The following MYO1C variants were observed in gnomAD, a reference collection of about 807,000 sequenced individuals.
MYO1C encodes the protein unconventional myosin-Ic.
MYO1C carries 104 observed loss-of-function variants against 150.8 expected under a neutral mutation model. That is an observed-to-expected ratio of 0.69 (90% CI 0.59 to 0.81). The LOEUF (loss-of-function observed/expected upper bound fraction) is 0.81, where lower values mean the gene tolerates loss of function less well. Ranked by LOEUF, MYO1C falls within the 30% of genes least tolerant of loss-of-function variation. MYO1C has a pLI of 0.00. For missense variants in MYO1C, 1,504 were observed against 1,435.0 expected (o/e 1.05, Z -0.78); for synonymous variants, 663 against 579.9 (o/e 1.14, Z -2.06).
intron 3 of MYO1C, among the ~76,000 whole-genome samples, chr17:1,483,327 T>TG (rs138941335): frequency 4.9e-4 from 43 of 87,500 alleles, no homozygotes; most frequent in African/African-American, 1.6e-3. Context: ...CGGGTAGGGC[T>TG]GGGGGGGGTC....
chr17:1,484,886 A>ATCCC, intron 1 of MYO1C: 1 of 47,912 alleles, frequency 2.1e-5, no homozygotes, highest in Non-Finnish European at 3.6e-5. Context: ...ACCCAGACCC[A>ATCCC]CCCCCACCTC....
Position 1,471,948 on chromosome 17 carries a change from G to A in MYO1C, c.1980C>T (p.Ala660=). The change falls in exon 19 of 32, where the codon GCC becomes GCT. Residue 660 remains alanine (A), a synonymous_variant. Transcript: ENST00000648651. The part of the protein sequence containing the change: ...GLLENLRVRR[A]GFAYRRKYEA... ...CGTATTTGCGGCGATAGGCAAAGCC[G>A]GCTCTGCGCACGCGCAGGTTTTCCA... 6.2e-7 allele frequency: 1 copy of A among 1,614,148 alleles called. No homozygotes were observed. Among genetic ancestry groups the A allele is most frequent in the South Asian group, 1.1e-5 (1 of 91,084 alleles).
chr17:1,479,409 G>A lies in MYO1C; in HGVS notation c.1092+22C>T, dbSNP rs373958010. 736 of 1,168,410 alleles carry A rather than the reference G, an allele frequency of 6.3e-4. No homozygotes were observed. The highest frequency in any genetic ancestry group is 1.2e-3 in the Admixed American group (62 of 50,762). The allele number at this position is 1,168,410 out of a possible 1,614,324, so 72.4% of individuals were successfully genotyped here. ...TTGGAACAGCTGCCCCTCCACACCC[G>A]AGGGCAAGGGCCCGGCCTCACCTCC... On this transcript the variant is annotated intron_variant, in intron 9 of 31. Transcript: ENST00000648651. The surrounding 1 kb of genome is among the most constrained non-coding windows in gnomAD (Gnocchi z 4.2).
chr17:1,486,813 G>GC (rs1231190888), intron 1 of MYO1C: 1 of 152,400 alleles, frequency 6.6e-6, no homozygotes, highest in Non-Finnish European at 1.5e-5. Context: ...ATCGCGCCCG[G>GC]CCCATCTCCC....
intron 1 of MYO1C, among the ~76,000 whole-genome samples, chr17:1,490,065 G>A (rs1158399485): frequency 6.8e-6 from 1 of 147,538 alleles, no homozygotes; most frequent in Non-Finnish European, 1.5e-5. Context: ...GAGGGCCTTT[G>A]ACCCCTAACC....
At chr17:1,485,159 G>C in intron 1 of MYO1C, 1 of 1,197,116 alleles carries the variant, frequency 8.4e-7, no homozygotes, top group African/African-American at 1.6e-5. Flanking sequence ...CTACTGGAGG[G>C]TGGAGGGTGG....
chr17:1,479,815 G>T lies in MYO1C; in HGVS notation c.907-110C>A, dbSNP rs573658571. On this transcript the variant is annotated intron_variant, in intron 7 of 31. Coordinates refer to ENST00000648651, the MANE Select transcript of MYO1C (RefSeq NM_001080779.2). The surrounding 1 kb of genome is among the most constrained non-coding windows in gnomAD (Gnocchi z 4.2). Reference sequence around the variant, plus strand: ...GGGTGGTGAAGTGTCGGAGAGAAGGGGCTGGAAGTGGGAATGGGTGTTAAA... The same window carrying T: ...GGGTGGTGAAGTGTCGGAGAGAAGGTGCTGGAAGTGGGAATGGGTGTTAAA... 1.3e-6 allele frequency: 1 copy of T among 740,832 alleles called. No individual in the cohort carries two copies. 45.9% of individuals were successfully genotyped at this position (740,832 alleles called of 1,614,324 possible).
intron 17 of MYO1C, among the ~76,000 whole-genome samples, chr17:1,474,168 G>A (rs1036831578): frequency 3.3e-5 from 5 of 151,964 alleles, no homozygotes; most frequent in African/African-American, 1.2e-4. Context: ...GGCTCACACC[G>A]GTAATCCTAA....
rs141250212 is a variant in MYO1C at position 1,482,896 on chromosome 17, G to T, written c.511C>A (p.Arg171=). The T allele has an allele frequency of 1.7e-4, 255 of 1,466,332 alleles. 4 individuals carry two copies. The Admixed American group carries it at 5.0e-3, about 29-fold the overall frequency. 90.8% of individuals were successfully genotyped at this position (1,466,332 alleles called of 1,614,324 possible). The change falls in exon 4 of 32, where the codon CGG becomes AGG. Residue 171 remains arginine, a synonymous_variant. Transcript: ENST00000648651. ...CPAPERGGAV[R]DRLLQSNPVL... ...GGGTTGCTCTGTAGCAGCCGGTCCC[G>T]CACGGCACCTCCGCGCTCGGGGGCT...
Position 1,488,212 on chromosome 17 carries a change from G to A in MYO1C, c.76-3909C>T, listed in dbSNP as rs543745823. On this transcript the variant is annotated intron_variant, in intron 1 of 31. Coordinates refer to ENST00000648651, the MANE Select transcript of MYO1C (RefSeq NM_001080779.2). ...GGGGAATCCGCGCGCGGAGGGGTCG[G>A]GCCCGCTTCTTCCAGTTCCCGGGCC... is the stretch of plus-strand genomic sequence containing the variant. Among the ~76,000 whole-genome samples the A allele has an allele frequency of 3.1e-3, 479 of 152,184 alleles. 2 individuals are homozygous for A. The highest frequency in any genetic ancestry group is 5.1e-3 in the Non-Finnish European group (344 of 67,990).
chr17:1,471,281 C>A lies in MYO1C; in HGVS notation c.2077G>T (p.Gly693Trp). The change falls in exon 20 of 32, where the codon GGG (glycine) becomes TGG (tryptophan). Residue 693 changes from glycine (G) to tryptophan (W), a missense_variant. By Grantham distance (184) the Gly-to-Trp change is radical (BLOSUM62 -2). Transcript: ENST00000648651. Reference sequence around the variant, plus strand: ...AGGTGTCGGACCAGCACAGCCACCCCATCCTGCGGCCGTCCTGCCCACGTG... The same window carrying A: ...AGGTGTCGGACCAGCACAGCCACCCAATCCTGCGGCCGTCCTGCCCACGTG... ...WPTWAGRPQD[G>W]VAVLVRHLGY... 1 of 1,614,032 alleles carries A rather than the reference C, an allele frequency of 6.2e-7. No individual in the cohort carries two copies. Among genetic ancestry groups the A allele is most frequent in the African/African-American group, 1.3e-5 (1 of 75,018 alleles).
At chr17:1,474,774 T>TCCCCCCCCCCCCCCCCGCCGCCC in intron 16 of MYO1C, 38 bp downstream of exon 16, 1 of 1,597,380 alleles carries the variant, frequency 6.3e-7, no homozygotes, top group Non-Finnish European at 8.6e-7. Context: ...CTGTGGGCTA[T>TCCCCCCCCCCCCCCCCGCCGCCC]CCCCACCCCC....
intron 14 of MYO1C, among the ~76,000 whole-genome samples, chr17:1,475,976 A>C (rs1429935487): frequency 6.6e-6 from 1 of 152,188 alleles, no homozygotes; most frequent in African/African-American, 2.4e-5. Context: ...AAATGCATAG[A>C]AAAAGGCAGG....
chr17:1,473,119 G>A (rs1046191044), intron 17 of MYO1C, among the ~76,000 whole-genome samples: 1 of 152,216 alleles, frequency 6.6e-6, no homozygotes, highest in Non-Finnish European at 1.5e-5. Context: ...AGAATGGCGT[G>A]AGCCCAGGAG....
intron 19 of MYO1C, 53 bp from the exon 20 acceptor site, chr17:1,471,389 G>A: frequency 6.6e-7 from 1 of 1,516,832 alleles, no homozygotes; most frequent in Non-Finnish European, 9.1e-7. Flanking sequence ...CTGCCCTGGG[G>A]ACCCCAATCA....
intron 19 of MYO1C, 73 bp downstream of exon 19, chr17:1,471,834 C>T: frequency 1.3e-6 from 2 of 1,486,702 alleles, no homozygotes; most frequent in Admixed American, 3.3e-5. Flanking sequence ...GAACCCTTGT[C>T]TGCCCTCATG....
chr17:1,481,341 A>G (rs1051098994), intron 5 of MYO1C: 1 of 212,128 alleles, frequency 4.7e-6, no homozygotes, highest in Non-Finnish European at 9.6e-6. Flanking sequence ...CCAGAATCCA[A>G]TCACTGCTCG....
At chr17:1,485,465 A>T (rs958054803) in intron 1 of MYO1C, 2 of 679,014 alleles carry the variant, frequency 2.9e-6, no homozygotes, top group Non-Finnish European at 3.8e-6. Context: ...CCCTCGGGTC[A>T]GGGGTCTCCG....
chr17:1,470,507 T>A lies in MYO1C; in HGVS notation c.2294A>T (p.Gln765Leu). 6.4e-7 allele frequency: 1 copy of A among 1,552,592 alleles called. No individual in the cohort carries two copies. Among genetic ancestry groups the A allele is most frequent in the Non-Finnish European group, 8.7e-7 (1 of 1,147,798 alleles). Reference protein sequence around the residue: ...LRVKRSAICIQSWWRGTLGRR... With the variant: ...LRVKRSAICILSWWRGTLGRR... Reference sequence around the variant, plus strand: ...GCCCAGTGTTCCACGCCACCACGACTGGATGCAGATGGCTGTCGTGGAGAC... The same window carrying A: ...GCCCAGTGTTCCACGCCACCACGACAGGATGCAGATGGCTGTCGTGGAGAC... The change falls in exon 23 of 32, where the codon CAG (glutamine) becomes CTG (leucine). Residue 765 changes from glutamine (Q) to leucine (L), a missense_variant. Transcript: ENST00000648651.
Sources: gnomAD v4.1 joint callset for allele counts (sites outside exome capture counted in the v4.1 genomes callset) on GRCh38, gnomAD v4.1.1 for gene constraint, Gnocchi (gnomAD v3.1) non-coding constraint, MANE v1.5 for transcripts, NCBI Gene and HGNC (gene_info 2026-07-23, HGNC 2026-07-21) for gene names.